PARVG: variants seen among roughly 807,000 people sequenced by gnomAD.
The protein encoded by PARVG is gamma-parvin.
A neutral mutation model predicts 44.4 loss-of-function variants in PARVG; 36 were observed. The observed-to-expected ratio is 0.81, with a 90% CI of 0.62 to 1.07. PARVG has a LOEUF of 1.07. Ranked by LOEUF, PARVG falls within the 50% of genes least tolerant of loss-of-function variation. The pLI is 0.00. For synonymous variants in PARVG, 170 were observed against 174.1 expected (o/e 0.98, Z 0.19); for missense variants, 407 against 407.4 (o/e 1.00, Z 0.01).
chr22:44,187,444 G>A (rs1268267722), intron 4 of PARVG: 2 of 386,676 alleles, frequency 5.2e-6, no homozygotes, highest in African/African-American at 4.0e-5. Context: ...AGTGCTCATT[G>A]TCCAATTCTT....
At chr22:44,197,716 G>A (rs2054637596) in intron 11 of PARVG, among the ~76,000 whole-genome samples, 1 of 152,182 alleles carries the variant, frequency 6.6e-6, no homozygotes, top group South Asian at 2.1e-4. Flanking sequence ...TTCTTATAAA[G>A]TGGGTACAAG....
At chr22:44,183,845 G>A (rs2054423004) in intron 3 of PARVG, 2 of 390,280 alleles carry the variant, frequency 5.1e-6, no homozygotes, top group Non-Finnish European at 9.0e-6. Flanking sequence ...CAAGGAGGGT[G>A]GTCCCAGAAC....
chr22:44,201,792 C>T lies in PARVG; in HGVS notation c.813+3070C>T, dbSNP rs1260926764. On this transcript the variant is annotated intron_variant, in intron 12 of 13. Transcript: ENST00000444313. ...CTCCGAGGACTGGATAGGGATCAGGCTGTCGTGGCTGGGTGGCTCGGCTCT... is the reference window on the plus strand; with the variant it reads ...CTCCGAGGACTGGATAGGGATCAGGTTGTCGTGGCTGGGTGGCTCGGCTCT... Among the ~76,000 whole-genome samples, 19 of 152,330 alleles carry T rather than the reference C, an allele frequency of 1.2e-4. No homozygotes were observed. In the South Asian group the frequency reaches 3.3e-3, roughly 27 times the overall value.
At chr22:44,188,808 G>T (rs1217696380) in intron 5 of PARVG, 3 of 418,108 alleles carry the variant, frequency 7.2e-6, no homozygotes, top group Non-Finnish European at 8.9e-6. Context: ...GAAGGGCAGG[G>T]GCTGCAGGCA....
Position 44,189,258 on chromosome 22 carries a change from C to T in PARVG, c.388+4C>T, listed in dbSNP as rs140575635. 1.9e-4 allele frequency: 309 copies of T among 1,613,730 alleles called. 1 individual carries two copies. The highest frequency in any genetic ancestry group is 1.9e-3 in the East Asian group (84 of 44,864). On this transcript the variant is annotated splice_donor_region_variant and intron_variant, in intron 6 of 13. Transcript: ENST00000444313. ...CAGGCCAAGTGGAGCGTGGAGAGTACGTGGGCCACAACCTGGCTACCCCTG... is the reference window on the plus strand; with the variant it reads ...CAGGCCAAGTGGAGCGTGGAGAGTATGTGGGCCACAACCTGGCTACCCCTG...
chr22:44,184,269 A>C (rs79290681), intron 3 of PARVG: 2 of 152,340 alleles, frequency 1.3e-5, no homozygotes, highest in South Asian at 4.1e-4. Context: ...AAATGTGTGA[A>C]ATAATTTAAG....
At chr22:44,193,654 C>G in intron 8 of PARVG, 147 bp from the exon 9 acceptor site, 2 of 940,074 alleles carry the variant, frequency 2.1e-6, no homozygotes, top group Non-Finnish European at 1.6e-6. Flanking sequence ...TGCTATCTGC[C>G]CTACCTACAA....
chr22:44,193,483 G>T (rs117296484), intron 8 of PARVG, among the ~76,000 whole-genome samples: 1 of 152,216 alleles, frequency 6.6e-6, no homozygotes, highest in African/African-American at 2.4e-5. Context: ...CGCACAAGCT[G>T]TGAGCTTACG....
chr22:44,193,371 G>C (rs1396092217), intron 8 of PARVG, among the ~76,000 whole-genome samples: 1 of 152,172 alleles, frequency 6.6e-6, no homozygotes, highest in African/African-American at 2.4e-5. Flanking sequence ...CGCAGCTGTG[G>C]TCAGCGTAGG....
intron 12 of PARVG, among the ~76,000 whole-genome samples, chr22:44,202,632 C>T (rs1050680564): frequency 6.6e-6 from 1 of 152,218 alleles, no homozygotes; most frequent in African/African-American, 2.4e-5. Flanking sequence ...ATATTGTGGG[C>T]AATCTCTGCT....
chr22:44,174,096 C>T (rs1167113803), intron 1 of PARVG, among the ~76,000 whole-genome samples: 1 of 152,190 alleles, frequency 6.6e-6, no homozygotes, highest in Non-Finnish European at 1.5e-5. Context: ...CAGTCGTTTA[C>T]CAAGGGTCTG....
At position 44,192,107 on chromosome 22, in the gene PARVG, G is replaced by T. The variant is rs769985351; in HGVS notation, c.560+3G>T. The T allele has an allele frequency of 1.2e-6, 2 of 1,612,528 alleles. No homozygotes were observed. The highest frequency in any genetic ancestry group is 8.5e-7 in the Non-Finnish European group (1 of 1,179,598). On this transcript the variant is annotated splice_donor_region_variant and intron_variant, in intron 8 of 13. Transcript: ENST00000444313. ...GTGGAACAGCTCACTGAATACAGGT[G>T]AGGGAAGGATGAGGGCCCATGGGTG...
At position 44,196,160 on chromosome 22, in the gene PARVG, G is replaced by T; in HGVS notation, c.589G>T (p.Val197Phe). The change falls in exon 10 of 14, where the codon GTC becomes TTC. Residue 197 changes from valine to phenylalanine, a missense_variant. Transcript: ENST00000444313. ...STDKDEPPKD[V>F]FDELFKLAPE... is the part of the protein sequence containing the mutation. ...TATTGGATCTGTGTCTGCAGAGGAC[G>T]TCTTTGATGAATTATTTAAGCTGGC... 6.2e-7 allele frequency: 1 copy of T among 1,614,170 alleles called. No homozygotes were observed. Among genetic ancestry groups the T allele is most frequent in the Non-Finnish European group, 8.5e-7 (1 of 1,180,010 alleles).
intron 12 of PARVG, among the ~76,000 whole-genome samples, chr22:44,198,953 T>TCCATCCACCCACCCAC (rs1569186509): frequency 6.3e-5 from 2 of 31,756 alleles, no homozygotes; most frequent in Non-Finnish European, 1.9e-4. Context: ...CACCCATCCA[T>TCCATCCACCCACCCAC]CCATCCATCC....
chr22:44,187,636 C>G, intron 4 of PARVG, 140 bp from the exon 5 acceptor site: 1 of 757,592 alleles, frequency 1.3e-6, no homozygotes, highest in Admixed American at 2.1e-5. Flanking sequence ...TCAAGGAGGG[C>G]TTCCCAGTGG....
intron 11 of PARVG, among the ~76,000 whole-genome samples, chr22:44,196,692 TAATCTC>T (rs1352689038): frequency 2.0e-5 from 3 of 152,188 alleles, no homozygotes; most frequent in African/African-American, 4.8e-5. Flanking sequence ...ATTTTATAAT[TAATCTC>T]AGACTAGCTG....
At chr22:44,183,477 C>G (rs2054417090) in intron 3 of PARVG, 69 bp downstream of exon 3, 1 of 1,417,512 alleles carries the variant, frequency 7.1e-7, no homozygotes, top group African/African-American at 1.5e-5. Flanking sequence ...CTGGCCATGC[C>G]TGGGACTTGC....
chr22:44,173,349 C>T (rs970571516), intron 1 of PARVG, among the ~76,000 whole-genome samples: 8 of 152,040 alleles, frequency 5.3e-5, no homozygotes, highest in Non-Finnish European at 1.0e-4. Context: ...AGTAAGTGAC[C>T]GCTGTTGACT....
At position 44,186,507 on chromosome 22, in the gene PARVG, T is replaced by TTG. The variant is rs1403449890; in HGVS notation, c.144+638_144+639dup. 5.6e-5 allele frequency: 26 copies of TTG among 468,270 alleles called. No individual in the cohort carries two copies. In the Middle Eastern group the frequency reaches 9.7e-4, roughly 17 times the overall value. The allele number at this position is 468,270 out of a possible 1,614,324, so 29.0% of individuals were successfully genotyped here. ...ACACCATCTTCCATACCCAGAGGCT[T>TTG]TGTGGGCCATTTCCCATCCTCCTTC... On this transcript the variant is annotated intron_variant, in intron 4 of 13. Transcript: ENST00000444313.
Sources: gnomAD v4.1 joint callset for allele counts (sites outside exome capture counted in the v4.1 genomes callset) on GRCh38, gnomAD v4.1.1 for gene constraint, MANE v1.5 for transcripts, NCBI Gene and HGNC (gene_info 2026-07-23, HGNC 2026-07-21) for gene names.